Variants in BCL2 observed in about 807,000 individuals in gnomAD.
BCL2 encodes the protein BCL2 apoptosis regulator, also known as apoptosis regulator Bcl-2.
In BCL2, 1 loss-of-function variant was observed where a neutral mutation model predicts 14.2. The observed-to-expected ratio is 0.07, with a 90% CI of 0.02 to 0.33. BCL2 has a LOEUF of 0.33. Among genes scored for constraint, BCL2 ranks in the 10% least tolerant of loss-of-function variants. The pLI is 0.99. For synonymous variants in BCL2, 151 were observed against 137.2 expected (o/e 1.10, Z -0.70); for missense variants, 247 against 305.9 (o/e 0.81, Z 1.44).
intron 2 of BCL2, among the ~76,000 whole-genome samples, chr18:63,267,464 C>A (rs75518920): frequency 6.6e-6 from 1 of 151,980 alleles, no homozygotes; most frequent in African/African-American, 2.4e-5. Context: ...AGAGGTGGGA[C>A]AGAAGAAAGA....
intron 2 of BCL2, chr18:63,314,911 G>T (rs986614978): frequency 6.6e-6 from 1 of 152,168 alleles, no homozygotes; most frequent in Non-Finnish European, 1.5e-5. Context: ...CTACCTGCTT[G>T]CTATCTCTCC....
At chr18:63,286,577 C>T in intron 2 of BCL2, among the ~76,000 whole-genome samples, 1 of 151,984 alleles carries the variant, frequency 6.6e-6, no homozygotes, top group East Asian at 1.9e-4. Flanking sequence ...TGGGCTGGTG[C>T]CAGCCCTGAA....
chr18:63,226,426 T>G lies in BCL2; in HGVS notation c.585+91656A>C, dbSNP rs150331772. Among the ~76,000 whole-genome samples, 263 of 152,312 alleles carry G rather than the reference T, an allele frequency of 1.7e-3. 4 individuals are homozygous for G. The East Asian group carries it at 0.031, about 18-fold the overall frequency. On this transcript the variant is annotated intron_variant, in intron 2 of 2. Transcript: ENST00000333681. Reference sequence around the variant, plus strand: ...CTCTTCTGCCCAGAATTTCCCTGTCTCCTGTCCCTATCAGTGACATAAAAC... The same window carrying G: ...CTCTTCTGCCCAGAATTTCCCTGTCGCCTGTCCCTATCAGTGACATAAAAC...
chr18:63,164,945 G>A (rs1437830521), intron 2 of BCL2, among the ~76,000 whole-genome samples: 2 of 152,192 alleles, frequency 1.3e-5, no homozygotes, highest in Non-Finnish European at 2.9e-5. Flanking sequence ...AACAATGATA[G>A]ACTGGATTAA....
chr18:63,293,903 A>C (rs1599295459), intron 2 of BCL2, among the ~76,000 whole-genome samples: 1 of 151,668 alleles, frequency 6.6e-6, no homozygotes, highest in East Asian at 1.9e-4. Context: ...TTCAGCTTTA[A>C]ATCTTTTTTA....
At chr18:63,220,546 C>T (rs1304731423) in intron 2 of BCL2, among the ~76,000 whole-genome samples, 5 of 152,120 alleles carry the variant, frequency 3.3e-5, no homozygotes, top group South Asian at 2.1e-4. Context: ...CTAGGTTTTT[C>T]GTCATCAACT....
chr18:63,300,441 TC>T (rs1282251532), intron 2 of BCL2, among the ~76,000 whole-genome samples: 9 of 149,438 alleles, frequency 6.0e-5, no homozygotes, highest in African/African-American at 2.2e-4. Flanking sequence ...AAGAAAGAGA[TC>T]TTGTGCTCCT....
chr18:63,202,622 T>C (rs1455749631), intron 2 of BCL2, among the ~76,000 whole-genome samples: 1 of 152,220 alleles, frequency 6.6e-6, no homozygotes, highest in East Asian at 1.9e-4. Context: ...TCGTTCTGTT[T>C]ACAGTATTAT....
chr18:63,318,286 C>T lies in BCL2; in HGVS notation c.381G>A (p.Arg127=). The change falls in exon 2 of 3, where the codon CGG becomes CGA. Residue 127 remains arginine (R), a synonymous_variant. Transcript: ENST00000333681. This position sits in a 1 kb window ranked among gnomAD's most constrained non-coding sequence, Gnocchi z 7.4. ...SQLHLTPFTA[R]GRFATVVEEL... ...CCTCCACCACCGTGGCAAAGCGTCC[C>T]CGCGCGGTGAAGGGCGTCAGGTGCA... 1 of 1,614,188 alleles carries T rather than the reference C, an allele frequency of 6.2e-7. No individual in the cohort carries two copies. The highest frequency in any genetic ancestry group is 8.5e-7 in the Non-Finnish European group (1 of 1,180,030).
chr18:63,258,068 G>A lies in BCL2; in HGVS notation c.585+60014C>T, dbSNP rs186225227. Among the ~76,000 whole-genome samples, 32 of 152,312 alleles carry A rather than the reference G, an allele frequency of 2.1e-4. No individual in the cohort carries two copies. The East Asian group carries it at 5.8e-3, about 28-fold the overall frequency. ...GGGTGGGCTCTAACCCAATAGGACT[G>A]CGTCCTTATAGGCAGAGGAAAATGC... On this transcript the variant is annotated intron_variant, in intron 2 of 2. Coordinates refer to ENST00000333681, the MANE Select transcript of BCL2 (RefSeq NM_000633.3).
intron 2 of BCL2, among the ~76,000 whole-genome samples, chr18:63,177,994 G>A (rs1235317215): frequency 6.6e-6 from 1 of 152,130 alleles, no homozygotes; most frequent in Admixed American, 6.5e-5. Context: ...GACTGGTGCA[G>A]CCACTTCCCT....
At chr18:63,177,014 T>G (rs536940867) in intron 2 of BCL2, among the ~76,000 whole-genome samples, 1 of 151,800 alleles carries the variant, frequency 6.6e-6, no homozygotes, top group Non-Finnish European at 1.5e-5. Context: ...CTTCCTGGGC[T>G]CAGGTGATTC....
intron 2 of BCL2, among the ~76,000 whole-genome samples, chr18:63,290,901 C>G (rs773412759): frequency 1.3e-5 from 2 of 152,194 alleles, no homozygotes; most frequent in Non-Finnish European, 2.9e-5. Flanking sequence ...CCACTCGGCC[C>G]TCTTTCCCAG....
At chr18:63,301,087 T>C (rs1252417123) in intron 2 of BCL2, among the ~76,000 whole-genome samples, 1 of 152,216 alleles carries the variant, frequency 6.6e-6, no homozygotes, top group East Asian at 1.9e-4. Flanking sequence ...TCTGAAAATA[T>C]GTTAGATAAA....
chr18:63,285,215 G>C (rs952655443), intron 2 of BCL2, among the ~76,000 whole-genome samples: 1 of 152,208 alleles, frequency 6.6e-6, no homozygotes, highest in Non-Finnish European at 1.5e-5. Flanking sequence ...GGAACTTCTC[G>C]CCCATCCAGC....
At chr18:63,153,570 G>GA (rs60234196) in intron 2 of BCL2, among the ~76,000 whole-genome samples, 14,020 of 152,144 alleles carry the variant, frequency 0.092, 1,337 homozygotes, top group African/African-American at 0.23. Context: ...AGTTCTTAAA[G>GA]AAAAAATTCA....
chr18:63,226,771 GAGGGACAGGAATAAAAAAGGT>G (rs370162319), intron 2 of BCL2, among the ~76,000 whole-genome samples: 113 of 152,078 alleles, frequency 7.4e-4, no homozygotes, highest in African/African-American at 2.3e-3. Flanking sequence ...GGTTACCTTG[GAGGGACAGGAATAAAAAAGGT>G]AGGGAGATGT....
chr18:63,139,985 C>A (rs541601985), intron 2 of BCL2, among the ~76,000 whole-genome samples: 3 of 152,046 alleles, frequency 2.0e-5, no homozygotes, highest in Non-Finnish European at 4.4e-5. Context: ...TTAAAAAAGG[C>A]CAAAGGATTC....
chr18:63,294,101 A>G (rs1052896037), intron 2 of BCL2, among the ~76,000 whole-genome samples: 3 of 152,086 alleles, frequency 2.0e-5, no homozygotes, highest in Non-Finnish European at 4.4e-5. Flanking sequence ...TGCAATTAAT[A>G]CTTTGGCTGC....
Sources: allele counts gnomAD v4.1 joint callset (sites outside exome capture counted in the v4.1 genomes callset), GRCh38; gene constraint gnomAD v4.1.1; non-coding constraint Gnocchi (gnomAD v3.1); transcripts MANE v1.5; gene names NCBI Gene and HGNC (gene_info 2026-07-23, HGNC 2026-07-21).